Variants in MRPS9 observed in about 807,000 individuals in gnomAD.
MRPS9 encodes mitochondrial ribosomal protein S9, also known as small ribosomal subunit protein uS9m.
MRPS9 carries 45 observed loss-of-function variants against 59.9 expected under a neutral mutation model. That is an observed-to-expected ratio of 0.75 (90% CI 0.59 to 0.96). The LOEUF is 0.96. Ranked by LOEUF, MRPS9 falls within the 40% of genes least tolerant of loss-of-function variation. The probability of loss-of-function intolerance (pLI) is 0.00; values close to 1 mark genes in which losing one functional copy is unlikely to be tolerated. For missense variants in MRPS9, 473 were observed against 481.1 expected, an observed-to-expected ratio of 0.98 and a Z score of 0.16; for synonymous variants, 171 against 166.8, an observed-to-expected ratio of 1.03 and a Z score of -0.19.
intron 2 of MRPS9, among the ~76,000 whole-genome samples, chr2:105,066,034 A>C (rs957724766): frequency 6.6e-6 from 1 of 152,238 alleles, no homozygotes; most frequent in Admixed American, 6.5e-5. Context: ...TGTTAGTACT[A>C]TTCCATGCAT....
chr2:105,096,885 A>G (rs1680671890), intron 9 of MRPS9, among the ~76,000 whole-genome samples: 1 of 152,224 alleles, frequency 6.6e-6, no homozygotes, highest in Admixed American at 6.5e-5. Context: ...CTTTGAAAAG[A>G]TCTTCTGAGA....
At chr2:105,085,450 T>C (rs1274297547) in intron 5 of MRPS9, among the ~76,000 whole-genome samples, 3 of 152,302 alleles carry the variant, frequency 2.0e-5, no homozygotes, top group Middle Eastern at 3.4e-3. Context: ...CAATAGACTT[T>C]TTCTATATCA....
chr2:105,070,491 G>A (rs74961035), intron 2 of MRPS9, among the ~76,000 whole-genome samples: 87 of 152,256 alleles, frequency 5.7e-4, no homozygotes, highest in African/African-American at 1.9e-3. Flanking sequence ...GAGCAGAAGT[G>A]TATTTAAATG....
rs1680508268 is a variant in MRPS9, at chr2:105,089,122, C to G, written c.575+53C>G. ...AAGTAAAATTTGAACTAAAAACATG[C>G]CACTCATTGGTATTTTTTTAGACAT... On this transcript the variant is annotated intron_variant, in intron 6 of 10. Coordinates refer to ENST00000258455, the MANE Select transcript of MRPS9 (RefSeq NM_182640.3). 5.1e-6 allele frequency: 7 copies of G among 1,368,256 alleles called. No homozygotes were observed. The South Asian group carries it at 6.2e-5, about 12-fold the overall frequency. The allele number at this position is 1,368,256 out of a possible 1,614,324, so 84.8% of individuals were successfully genotyped here. A position where few individuals can be genotyped will look rare whatever the true frequency, so the allele number is the denominator to read the frequency against.
Position 105,038,137 on chromosome 2 carries a change from G to A in MRPS9, c.45G>A (p.Arg15=), listed in dbSNP as rs770944812. The A allele has an allele frequency of 5.6e-6, 9 of 1,613,930 alleles. No homozygotes were observed. In the South Asian group the frequency reaches 9.9e-5, roughly 18 times the overall value. The change falls in exon 1 of 11, where the codon CGG becomes CGA. Residue 15 remains arginine, a synonymous_variant. Coordinates refer to ENST00000258455, the MANE Select transcript of MRPS9 (RefSeq NM_182640.3). The part of the protein sequence containing the change: ...CVSYGGAVSY[R]LLLWGRGSLA... Reference sequence around the variant, plus strand: ...CCTACGGCGGAGCAGTTTCGTACCGGCTTCTTCTCTGGGGTAGGGGTAGCC... The same window carrying A: ...CCTACGGCGGAGCAGTTTCGTACCGACTTCTTCTCTGGGGTAGGGGTAGCC...
intron 5 of MRPS9, among the ~76,000 whole-genome samples, chr2:105,083,469 T>G (rs1680387573): frequency 6.6e-6 from 1 of 152,222 alleles, no homozygotes; most frequent in African/African-American, 2.4e-5. Flanking sequence ...GTGAAGGTCC[T>G]TTAATTTTAA....
chr2:105,075,827 AC>A (rs1680200349), intron 4 of MRPS9, among the ~76,000 whole-genome samples: 1 of 152,160 alleles, frequency 6.6e-6, no homozygotes, highest in Non-Finnish European at 1.5e-5. Context: ...TAAAAACACA[AC>A]CTAGAAATAA....
intron 2 of MRPS9, among the ~76,000 whole-genome samples, chr2:105,051,475 A>G (rs74580745): frequency 7.6e-4 from 116 of 152,314 alleles, no homozygotes; most frequent in Middle Eastern, 3.4e-3. Flanking sequence ...AAGTGTAAGT[A>G]GTCTTCTTTC....
chr2:105,099,616 T>C, intron 10 of MRPS9, 54 bp from the exon 11 acceptor site: 11 of 1,538,422 alleles, frequency 7.2e-6, no homozygotes, highest in Non-Finnish European at 9.8e-6. Context: ...CTGCTTTTCT[T>C]CTGGGCAGCA....
At position 105,092,452 on chromosome 2, in the gene MRPS9, G is replaced by C. The variant is rs976548455; in HGVS notation, c.703G>C (p.Ala235Pro). The stretch of plus-strand genomic sequence containing the variant: ...AAAGTTATTGACATCGCAGTGTGGT[G>C]CTGCTGAGGAAGAATTTGTGCAGAG... ...LEKLLTSQCG[A>P]AEEEFVQRFR... is the part of the protein sequence containing the mutation. The change falls in exon 8 of 11, where the codon GCT (alanine) becomes CCT (proline). Residue 235 changes from alanine to proline, a missense_variant. By Grantham distance (27) the Ala-to-Pro change is conservative. Coordinates refer to ENST00000258455, the MANE Select transcript of MRPS9 (RefSeq NM_182640.3). The C allele has an allele frequency of 6.2e-7, 1 of 1,613,858 alleles. No homozygotes were observed. The highest frequency in any genetic ancestry group is 1.7e-5 in the Admixed American group (1 of 59,954).
chr2:105,061,059 G>A (rs953079052), intron 2 of MRPS9, among the ~76,000 whole-genome samples: 6 of 130,716 alleles, frequency 4.6e-5, no homozygotes, highest in Non-Finnish European at 9.3e-5. Flanking sequence ...GCAGTGAGCC[G>A]AGATCGCATC....
rs116691209 is a variant in MRPS9 at position 105,092,755 on chromosome 2, T to C, written c.820+186T>C. ...TTCAAAACTGAACTGTATAATATCC[T>C]AAGAAAAAAATGTGGATGCATACCT... On this transcript the variant is annotated intron_variant, in intron 8 of 10. Coordinates refer to ENST00000258455, the MANE Select transcript of MRPS9 (RefSeq NM_182640.3). Among the ~76,000 whole-genome samples the C allele has an allele frequency of 6.2e-3, 941 of 152,286 alleles. 7 individuals are homozygous for C. The highest frequency in any genetic ancestry group is 0.022 in the African/African-American group (906 of 41,562).
At chr2:105,048,484 C>G (rs1306171340) in intron 1 of MRPS9, among the ~76,000 whole-genome samples, 1 of 151,328 alleles carries the variant, frequency 6.6e-6, no homozygotes, top group Non-Finnish European at 1.5e-5. Flanking sequence ...CACATGTACC[C>G]TAAAACTTAA....
rs1225477815 is a variant in MRPS9 at position 105,096,399 on chromosome 2, GA to G, written c.930-754del. Among the ~76,000 whole-genome samples, 6 of 152,246 alleles carry G rather than the reference GA, an allele frequency of 3.9e-5. No homozygotes were observed. In the East Asian group the frequency reaches 1.2e-3, roughly 29 times the overall value. Reference sequence around the variant, plus strand: ...CAAAGTGCTTGACAGAGGTAATGGTGAACATCTTACCTGGCGTGAAAATGAT... The same window carrying G: ...CAAAGTGCTTGACAGAGGTAATGGTGACATCTTACCTGGCGTGAAAATGAT... On this transcript the variant is annotated intron_variant, in intron 9 of 10. Coordinates refer to ENST00000258455, the MANE Select transcript of MRPS9 (RefSeq NM_182640.3).
intron 5 of MRPS9, among the ~76,000 whole-genome samples, chr2:105,088,626 A>G (rs909749023): frequency 6.6e-6 from 1 of 152,064 alleles, no homozygotes; most frequent in African/African-American, 2.4e-5. Context: ...TTGCCATATA[A>G]ATTACGATTT....
chr2:105,043,906 T>C (rs1447681460), intron 1 of MRPS9, among the ~76,000 whole-genome samples: 1 of 151,244 alleles, frequency 6.6e-6, no homozygotes, highest in African/African-American at 2.4e-5. Context: ...GTGCTGGGAT[T>C]ACAGGCGTGA....
intron 4 of MRPS9, among the ~76,000 whole-genome samples, chr2:105,071,799 T>G (rs764189380): frequency 1.3e-5 from 2 of 152,240 alleles, no homozygotes; most frequent in Non-Finnish European, 2.9e-5. Flanking sequence ...AACTTCTGTT[T>G]ATATGAAAAT....
At chr2:105,091,618 C>T (rs971348274) in intron 7 of MRPS9, among the ~76,000 whole-genome samples, 6 of 151,858 alleles carry the variant, frequency 4.0e-5, no homozygotes, top group Non-Finnish European at 7.4e-5. Context: ...TGTTTAACGC[C>T]GACAAAAAAC....
intron 2 of MRPS9, among the ~76,000 whole-genome samples, chr2:105,070,260 G>A (rs996797103): frequency 1.1e-4 from 17 of 152,118 alleles, no homozygotes; most frequent in East Asian, 9.7e-4. Context: ...ATGAGCCACC[G>A]TGCCTGACCT....
Sources: gnomAD v4.1 joint callset for allele counts (sites outside exome capture counted in the v4.1 genomes callset) on GRCh38, gnomAD v4.1.1 for gene constraint, MANE v1.5 for transcripts, NCBI Gene and HGNC (gene_info 2026-07-23, HGNC 2026-07-21) for gene names.